ZNF618: variants seen among roughly 807,000 people sequenced by gnomAD.
ZNF618 encodes the protein neural precursor cell expressed, developmentally down-regulated 10.
ZNF618 carries 34 observed loss-of-function variants against 103.0 expected under a neutral mutation model. The ratio of observed to expected loss-of-function variants is 0.33; its 90% CI spans 0.25 to 0.44. The LOEUF is 0.44. Among genes scored for constraint, ZNF618 ranks in the 20% least tolerant of loss-of-function variants. ZNF618 has a pLI of 1.00. For missense variants in ZNF618, 1,059 were observed against 1,295.4 expected (o/e 0.82, Z 2.80); for synonymous variants, 551 against 542.2 (o/e 1.02, Z -0.23).
intron 3 of ZNF618, among the ~76,000 whole-genome samples, chr9:113,989,607 T>A (rs1839831183): frequency 6.6e-6 from 1 of 152,248 alleles, no homozygotes; most frequent in South Asian, 2.1e-4. Context: ...GAAGTGCTGC[T>A]GCTGTCCAAG....
intron 13 of ZNF618, among the ~76,000 whole-genome samples, chr9:114,039,121 C>A (rs1844892648): frequency 1.3e-5 from 2 of 152,324 alleles, no homozygotes; most frequent in South Asian, 4.1e-4. Flanking sequence ...ATGCTCTCAA[C>A]ATCCACCCTG....
chr9:113,921,931 T>C (rs1453027854), intron 1 of ZNF618, among the ~76,000 whole-genome samples: 2 of 152,140 alleles, frequency 1.3e-5, no homozygotes, highest in Non-Finnish European at 2.9e-5. Flanking sequence ...AAGCAATACA[T>C]GTTCGCTGTT....
At chr9:114,038,156 G>A (rs1240092961) in intron 13 of ZNF618, among the ~76,000 whole-genome samples, 3 of 152,188 alleles carry the variant, frequency 2.0e-5, no homozygotes, top group African/African-American at 2.4e-5. Flanking sequence ...TGAACATATC[G>A]CTTGGTCCTG....
chr9:113,905,486 G>T (rs927076842), intron 1 of ZNF618, among the ~76,000 whole-genome samples: 1 of 152,170 alleles, frequency 6.6e-6, no homozygotes, highest in African/African-American at 2.4e-5. Flanking sequence ...TCATTTTTGT[G>T]TACTGTCCGT....
intron 2 of ZNF618, among the ~76,000 whole-genome samples, chr9:113,979,982 G>A (rs368735112): frequency 3.3e-5 from 5 of 152,266 alleles, no homozygotes; most frequent in African/African-American, 4.8e-5. Flanking sequence ...CAGGAGAAAG[G>A]GGGGGTGGCT....
At position 114,049,360 on chromosome 9, in the gene ZNF618, G is replaced by A. The variant is rs1466952379; in HGVS notation, c.2058G>A (p.Glu686=). The change falls in exon 15 of 15, where the codon GAG becomes GAA. Residue 686 remains glutamate (E), a synonymous_variant. Transcript: ENST00000374126. The part of the protein sequence containing the change: ...GLAKETFGSL[E]ETSPPPCWNS... ...CCAAGGAGACCTTCGGGTCGCTGGA[G>A]GAGACGTCTCCACCACCCTGCTGGA... The A allele has an allele frequency of 6.2e-7, 1 of 1,608,546 alleles. No individual in the cohort carries two copies. Among genetic ancestry groups the A allele is most frequent in the Non-Finnish European group, 8.5e-7 (1 of 1,178,068 alleles).
intron 2 of ZNF618, among the ~76,000 whole-genome samples, chr9:113,969,974 G>T (rs975139140): frequency 6.6e-6 from 1 of 152,142 alleles, no homozygotes; most frequent in Non-Finnish European, 1.5e-5. Context: ...TGAATGCCAA[G>T]CAGAAGAATT....
At chr9:113,916,120 C>A (rs1832057315) in intron 1 of ZNF618, among the ~76,000 whole-genome samples, 1 of 151,516 alleles carries the variant, frequency 6.6e-6, no homozygotes, top group Non-Finnish European at 1.5e-5. Context: ...GTGTGTATTG[C>A]AGTGTTGGAG....
chr9:113,978,665 TGAGAA>T (rs1838703001), intron 2 of ZNF618, among the ~76,000 whole-genome samples: 1 of 152,254 alleles, frequency 6.6e-6, no homozygotes, highest in South Asian at 2.1e-4. Flanking sequence ...TATTTTCTCT[TGAGAA>T]GAGAAAACAA....
chr9:113,924,146 G>A (rs573293012), intron 1 of ZNF618, among the ~76,000 whole-genome samples: 1 of 152,028 alleles, frequency 6.6e-6, no homozygotes, highest in South Asian at 2.1e-4. Context: ...TGGACTTAGG[G>A]CTTTCTTTTT....
chr9:113,877,853 G>A (rs1322179815), intron 1 of ZNF618, among the ~76,000 whole-genome samples: 1 of 151,928 alleles, frequency 6.6e-6, no homozygotes, highest in Non-Finnish European at 1.5e-5. Flanking sequence ...AGGAGAGACC[G>A]CCATTAAAAT....
chr9:113,911,375 C>G (rs1018695548), intron 1 of ZNF618, among the ~76,000 whole-genome samples: 1 of 152,140 alleles, frequency 6.6e-6, no homozygotes, highest in Non-Finnish European at 1.5e-5. Context: ...GTCACCCAGG[C>G]TAGAGTACAA....
intron 10 of ZNF618, among the ~76,000 whole-genome samples, chr9:114,027,284 C>A (rs921898286): frequency 2.6e-5 from 4 of 152,176 alleles, no homozygotes; most frequent in African/African-American, 9.7e-5. Flanking sequence ...AGAGTGGCAG[C>A]TCAGGTCACA....
Position 114,008,340 on chromosome 9 carries a change from G to A in ZNF618, c.641-4G>A, listed in dbSNP as rs758758604. 8.8e-5 allele frequency: 142 copies of A among 1,613,606 alleles called. No homozygotes were observed. Among genetic ancestry groups the A allele is most frequent in the African/African-American group, 2.1e-4 (16 of 74,930 alleles). On this transcript the variant is annotated splice_polypyrimidine_tract_variant and splice_region_variant and intron_variant, in intron 7 of 14. Coordinates refer to ENST00000374126, the MANE Select transcript of ZNF618 (RefSeq NM_001318042.2). Reference sequence around the variant, plus strand: ...TGCGGCTGCCGCCTCCTGCCCGGGCGCAGTGTTTAGTGTGGAAGGGGCCCC... The same window carrying A: ...TGCGGCTGCCGCCTCCTGCCCGGGCACAGTGTTTAGTGTGGAAGGGGCCCC...
At chr9:113,988,760 C>A (rs1237332921) in intron 3 of ZNF618, among the ~76,000 whole-genome samples, 180 bp downstream of exon 3, 1 of 152,236 alleles carries the variant, frequency 6.6e-6, no homozygotes, top group Non-Finnish European at 1.5e-5. Context: ...TGTGCAGTTT[C>A]CGGCTGGAGA....
At chr9:114,042,198 A>G (rs145071040) in intron 13 of ZNF618, among the ~76,000 whole-genome samples, 105 of 152,384 alleles carry the variant, frequency 6.9e-4, no homozygotes, top group African/African-American at 2.3e-3. Context: ...AGAATCGACC[A>G]TAATTTCACT....
At position 114,036,307 on chromosome 9, in the gene ZNF618, C is replaced by T; in HGVS notation, c.1176C>T (p.Tyr392=). The T allele has an allele frequency of 6.4e-7, 1 of 1,572,934 alleles. No homozygotes were observed. The highest frequency in any genetic ancestry group is 1.2e-5 in the South Asian group (1 of 85,306). ...NSSSQNSSEP[Y]TCGACGIQFQ... ...CCGCATTTCTCCCTCCAGAACCCTA[C>T]ACCTGCGGCGCCTGTGGGATCCAGT... Residue 392 remains tyrosine (Y), a synonymous_variant, in exon 13 of 15, where the codon TAC becomes TAT. Transcript: ENST00000374126.
At chr9:113,980,706 A>G (rs1838895679) in intron 2 of ZNF618, among the ~76,000 whole-genome samples, 1 of 152,238 alleles carries the variant, frequency 6.6e-6, no homozygotes, top group African/African-American at 2.4e-5. Context: ...AAGAGGATTC[A>G]GCACAAGAGA....
chr9:113,957,917 G>A (rs1836465635), intron 1 of ZNF618, among the ~76,000 whole-genome samples: 1 of 151,576 alleles, frequency 6.6e-6, no homozygotes, highest in Non-Finnish European at 1.5e-5. Context: ...ACCAGGACAT[G>A]GTTTATGGCT....
Sources: gnomAD v4.1 joint callset for allele counts (sites outside exome capture counted in the v4.1 genomes callset) on GRCh38, gnomAD v4.1.1 for gene constraint, MANE v1.5 for transcripts, NCBI Gene and HGNC (gene_info 2026-07-23, HGNC 2026-07-21) for gene names.